Variants in MDGA2 observed in about 807,000 individuals in gnomAD.
The protein encoded by MDGA2 is MAM domain containing glycosylphosphatidylinositol anchor 2.
A neutral mutation model predicts 117.8 loss-of-function variants in MDGA2; 40 were observed. The observed-to-expected ratio is 0.34, with a 90% CI of 0.26 to 0.44. The LOEUF (loss-of-function observed/expected upper bound fraction) is 0.44, where lower values mean the gene tolerates loss of function less well. Ranked by LOEUF, MDGA2 falls within the 20% of genes least tolerant of loss-of-function variation. The probability of loss-of-function intolerance (pLI) is 1.00; values close to 1 mark genes in which losing one functional copy is unlikely to be tolerated. For missense variants in MDGA2, 1,123 were observed against 1,250.6 expected (o/e 0.90, Z 1.54); for synonymous variants, 452 against 439.0 (o/e 1.03, Z -0.37).
At chr14:47,556,369 T>C (rs1895683269) in intron 1 of MDGA2, among the ~76,000 whole-genome samples, 1 of 152,204 alleles carries the variant, frequency 6.6e-6, no homozygotes. Context: ...GCCCAATACA[T>C]TCCCACTCCT....
intron 1 of MDGA2, among the ~76,000 whole-genome samples, chr14:47,528,859 T>A (rs955666689): frequency 3.9e-5 from 6 of 152,180 alleles, no homozygotes; most frequent in Non-Finnish European, 7.3e-5. Context: ...AAACAATCTA[T>A]CTACTACACC....
chr14:47,351,150 C>G (rs1890871435), intron 1 of MDGA2, among the ~76,000 whole-genome samples: 1 of 148,260 alleles, frequency 6.7e-6, no homozygotes, highest in Admixed American at 6.8e-5. Context: ...ACGATCTTGT[C>G]TCACCCCCGC....
intron 1 of MDGA2, among the ~76,000 whole-genome samples, chr14:47,408,680 G>A (rs574714992): frequency 6.6e-6 from 1 of 152,278 alleles, no homozygotes; most frequent in South Asian, 2.1e-4. Flanking sequence ...TGTGTAATTT[G>A]TCCTCAGATC....
At chr14:47,470,656 G>A (rs1233948047) in intron 1 of MDGA2, among the ~76,000 whole-genome samples, 1 of 152,094 alleles carries the variant, frequency 6.6e-6, no homozygotes, top group Admixed American at 6.6e-5. Context: ...GGGTAGAATG[G>A]TATTTCTAGT....
intron 3 of MDGA2, among the ~76,000 whole-genome samples, chr14:47,168,296 A>C (rs1200040328): frequency 6.6e-6 from 1 of 151,630 alleles, no homozygotes; most frequent in East Asian, 1.9e-4. Context: ...AAAAAAAAAA[A>C]AAAAAAAAAC....
intron 1 of MDGA2, among the ~76,000 whole-genome samples, chr14:47,602,018 CAAT>C (rs897797798): frequency 5.3e-4 from 80 of 152,134 alleles, no homozygotes; most frequent in Admixed American, 5.9e-4. Context: ...CATTCAGAAA[CAAT>C]GATACATTTA....
intron 9 of MDGA2, among the ~76,000 whole-genome samples, chr14:46,946,861 C>T (rs1439310607): frequency 6.6e-6 from 1 of 152,086 alleles, no homozygotes; most frequent in Non-Finnish European, 1.5e-5. Flanking sequence ...CAACAACTCC[C>T]TACCATGACT....
chr14:47,351,702 T>G (rs1000365179), intron 1 of MDGA2, among the ~76,000 whole-genome samples: 1 of 152,118 alleles, frequency 6.6e-6, no homozygotes, highest in Admixed American at 6.6e-5. Flanking sequence ...CCTAAGAAAA[T>G]AAGCCAATCA....
chr14:47,289,938 C>T (rs117847248), intron 2 of MDGA2, among the ~76,000 whole-genome samples: 2 of 152,056 alleles, frequency 1.3e-5, no homozygotes, highest in Non-Finnish European at 2.9e-5. Flanking sequence ...CCAATTTTGA[C>T]CATCAGAAAA....
intron 4 of MDGA2, among the ~76,000 whole-genome samples, chr14:47,137,499 T>G (rs1882514342): frequency 6.6e-6 from 1 of 152,080 alleles, no homozygotes; most frequent in Admixed American, 6.6e-5. Context: ...AAAAGAAATC[T>G]GATACCTCCC....
chr14:47,618,456 T>C (rs528695440), intron 1 of MDGA2, among the ~76,000 whole-genome samples: 90 of 152,204 alleles, frequency 5.9e-4, no homozygotes, highest in South Asian at 8.3e-4. Flanking sequence ...GATGTTTCAA[T>C]CATCCCCTAC....
intron 2 of MDGA2, among the ~76,000 whole-genome samples, chr14:47,220,062 T>C (rs1012616693): frequency 1.3e-5 from 2 of 152,030 alleles, no homozygotes; most frequent in South Asian, 2.1e-4. Context: ...AATAGAAAAG[T>C]AGAAAATAGA....
chr14:47,111,216 CCT>C, intron 5 of MDGA2, among the ~76,000 whole-genome samples: 1 of 152,096 alleles, frequency 6.6e-6, no homozygotes, highest in African/African-American at 2.4e-5. Flanking sequence ...TTTGATAACC[CCT>C]AAGTCACACA....
chr14:47,479,658 G>A (rs1893912064), intron 1 of MDGA2, among the ~76,000 whole-genome samples: 2 of 151,920 alleles, frequency 1.3e-5, no homozygotes, highest in African/African-American at 4.8e-5. Context: ...TTTCATAGAG[G>A]CACTTAGTGA....
chr14:47,473,959 T>C (rs915205444), intron 1 of MDGA2, among the ~76,000 whole-genome samples: 1 of 152,160 alleles, frequency 6.6e-6, no homozygotes, highest in Non-Finnish European at 1.5e-5. Context: ...CTATTCAACA[T>C]AGTACTGGAA....
chr14:47,492,018 A>G (rs999544425), intron 1 of MDGA2, among the ~76,000 whole-genome samples: 1 of 152,126 alleles, frequency 6.6e-6, no homozygotes, highest in Non-Finnish European at 1.5e-5. Context: ...GTCGGCAAAT[A>G]TATTTGTCTA....
intron 7 of MDGA2, among the ~76,000 whole-genome samples, chr14:47,055,436 GCTC>G (rs1889640561): frequency 6.6e-6 from 1 of 151,976 alleles, no homozygotes; most frequent in Non-Finnish European, 1.5e-5. Flanking sequence ...GCTACCTGCT[GCTC>G]TATGGAACTC....
At chr14:46,996,917 C>G (rs1164714849) in intron 8 of MDGA2, 1 of 371,732 alleles carries the variant, frequency 2.7e-6, no homozygotes, top group Non-Finnish European at 5.1e-6. Flanking sequence ...CAAGGGAGAG[C>G]ACCTAGCAGC....
chr14:47,166,904 T>G (rs1042656484), intron 3 of MDGA2, among the ~76,000 whole-genome samples: 3 of 152,144 alleles, frequency 2.0e-5, no homozygotes, highest in Admixed American at 1.3e-4. Flanking sequence ...AAACAGGGCC[T>G]CCAGGCTGAC....
Sources: gnomAD v4.1 joint callset for allele counts (sites outside exome capture counted in the v4.1 genomes callset) on GRCh38, gnomAD v4.1.1 for gene constraint, MANE v1.5 for transcripts, NCBI Gene and HGNC (gene_info 2026-07-23, HGNC 2026-07-21) for gene names.